Variants in MBD5 observed in about 807,000 individuals in gnomAD.
MBD5 encodes the protein methyl-CpG-binding domain protein 5.
A neutral mutation model predicts 117.3 loss-of-function variants in MBD5; 13 were observed. The observed-to-expected ratio is 0.11, with a 90% CI of 0.07 to 0.18. MBD5 has a LOEUF of 0.18. Ranked by LOEUF, MBD5 falls within the 10% of genes least tolerant of loss-of-function variation. The probability of loss-of-function intolerance (pLI) is 1.00; values close to 1 mark genes in which losing one functional copy is unlikely to be tolerated. For synonymous variants in MBD5, 727 were observed against 766.4 expected (o/e 0.95, Z 0.85); for missense variants, 1,879 against 2,093.8 (o/e 0.90, Z 2.00).
intron 2 of MBD5, among the ~76,000 whole-genome samples, chr2:148,226,925 C>G (rs1287039007): frequency 6.6e-6 from 1 of 152,152 alleles, no homozygotes; most frequent in Non-Finnish European, 1.5e-5. Context: ...TGAGAAGTGT[C>G]TGTTCATACC....
At chr2:148,188,989 G>A (rs1698751762) in intron 2 of MBD5, among the ~76,000 whole-genome samples, 1 of 150,168 alleles carries the variant, frequency 6.7e-6, no homozygotes, top group South Asian at 2.1e-4. Context: ...TCAAAGAAAG[G>A]GGTGACGGAC....
At chr2:148,153,665 C>G (rs1329525758) in intron 1 of MBD5, among the ~76,000 whole-genome samples, 1 of 135,124 alleles carries the variant, frequency 7.4e-6, no homozygotes, top group East Asian at 2.2e-4. Context: ...CTCTAAACTT[C>G]CCTTCTCGCT....
At chr2:148,509,999 ATTAAAT>A (rs1682168633) in intron 12 of MBD5, 55 bp from the exon 13 acceptor site, 1 of 1,335,658 alleles carries the variant, frequency 7.5e-7, no homozygotes, top group South Asian at 1.2e-5. Flanking sequence ...TGATTAGGAA[ATTAAAT>A]TGAGTTTTGT....
intron 12 of MBD5, among the ~76,000 whole-genome samples, chr2:148,509,711 A>C (rs377623345): frequency 6.6e-6 from 1 of 152,158 alleles, no homozygotes; most frequent in Non-Finnish European, 1.5e-5. Context: ...AAGAAGCAAC[A>C]CAGGGCCGGC....
intron 11 of MBD5, among the ~76,000 whole-genome samples, chr2:148,491,728 C>T (rs1420576795): frequency 6.7e-6 from 1 of 149,488 alleles, no homozygotes; most frequent in Non-Finnish European, 1.5e-5. Flanking sequence ...GAATTCCATA[C>T]CCCTATTCAC....
At chr2:148,296,195 T>A (rs1701642475) in intron 3 of MBD5, 1 of 197,332 alleles carries the variant, frequency 5.1e-6, no homozygotes, top group Non-Finnish European at 1.1e-5. Context: ...ATTATCAATA[T>A]TACCATTTGG....
intron 1 of MBD5, among the ~76,000 whole-genome samples, chr2:148,094,812 G>C (rs896581682): frequency 6.6e-6 from 1 of 152,048 alleles, no homozygotes; most frequent in African/African-American, 2.4e-5. Context: ...TACAAGCCAG[G>C]TACATATAGC....
chr2:148,088,728 A>G (rs1270406160), intron 1 of MBD5, among the ~76,000 whole-genome samples: 1 of 152,196 alleles, frequency 6.6e-6, no homozygotes, highest in Non-Finnish European at 1.5e-5. Flanking sequence ...TTGAAACAGA[A>G]TATCAAAATG....
chr2:148,091,108 T>G (rs1267830511), intron 1 of MBD5, among the ~76,000 whole-genome samples: 1 of 152,020 alleles, frequency 6.6e-6, no homozygotes, highest in East Asian at 1.9e-4. Context: ...CTAACCAAGG[T>G]GGTGAAAGGC....
At chr2:148,374,076 G>C (rs913936900) in intron 4 of MBD5, among the ~76,000 whole-genome samples, 2 of 151,940 alleles carry the variant, frequency 1.3e-5, no homozygotes, top group Non-Finnish European at 1.5e-5. Flanking sequence ...AATTCTTCTG[G>C]TTCCAAGCAT....
At chr2:148,099,172 G>GAGT (rs1347096205) in intron 1 of MBD5, among the ~76,000 whole-genome samples, 2 of 152,106 alleles carry the variant, frequency 1.3e-5, no homozygotes, top group African/African-American at 4.8e-5. Context: ...TACAAGGCGT[G>GAGT]AGTTTTTAGC....
At chr2:148,170,639 A>G (rs956246333) in intron 1 of MBD5, among the ~76,000 whole-genome samples, 6 of 152,240 alleles carry the variant, frequency 3.9e-5, no homozygotes, top group Admixed American at 3.3e-4. Context: ...CTTGAAGGCT[A>G]CGAGAAAGTT....
intron 3 of MBD5, among the ~76,000 whole-genome samples, chr2:148,259,632 C>T (rs1004295355): frequency 2.6e-5 from 4 of 152,210 alleles, no homozygotes; most frequent in African/African-American, 9.6e-5. Flanking sequence ...ACAGTTTTGA[C>T]ATGGCTTTAC....
intron 3 of MBD5, among the ~76,000 whole-genome samples, chr2:148,254,880 A>G (rs1365738399): frequency 6.6e-6 from 1 of 152,118 alleles, no homozygotes; most frequent in African/African-American, 2.4e-5. Context: ...CATAAACACT[A>G]TGGGCCAGCC....
chr2:148,134,102 G>T (rs1697115404), intron 1 of MBD5, among the ~76,000 whole-genome samples: 1 of 151,862 alleles, frequency 6.6e-6, no homozygotes, highest in Admixed American at 6.6e-5. Flanking sequence ...TTCTGCTGAT[G>T]GCCGTGTATT....
intron 3 of MBD5, among the ~76,000 whole-genome samples, chr2:148,288,070 GGT>G (rs141349181): frequency 1.3e-5 from 2 of 151,110 alleles, no homozygotes; most frequent in Admixed American, 6.6e-5. Context: ...GTGTTATGTT[GGT>G]GTGTGTGTGT....
At chr2:148,372,081 ACT>A (rs1194941863) in intron 4 of MBD5, among the ~76,000 whole-genome samples, 1 of 151,998 alleles carries the variant, frequency 6.6e-6, no homozygotes, top group Non-Finnish European at 1.5e-5. Context: ...TAAGTAAAAC[ACT>A]CTATGGAACT....
chr2:148,059,704 G>A (rs1481267961), intron 1 of MBD5, among the ~76,000 whole-genome samples: 1 of 151,972 alleles, frequency 6.6e-6, no homozygotes, highest in Non-Finnish European at 1.5e-5. Context: ...AAAATTAGCC[G>A]GGCGTGTGGC....
intron 1 of MBD5, among the ~76,000 whole-genome samples, chr2:148,038,457 G>A (rs1167259268): frequency 7.4e-5 from 11 of 147,976 alleles, no homozygotes; most frequent in Middle Eastern, 3.5e-3. Flanking sequence ...CTTTTTTCTC[G>A]GTAAAGAAGG....
Sources: allele counts gnomAD v4.1 joint callset (sites outside exome capture counted in the v4.1 genomes callset), GRCh38; gene constraint gnomAD v4.1.1; transcripts MANE v1.5; gene names NCBI Gene and HGNC (gene_info 2026-07-23, HGNC 2026-07-21).